DLG2: variants seen among roughly 807,000 people sequenced by gnomAD.
The protein encoded by DLG2 is discs large MAGUK scaffold protein 2.
DLG2 carries 45 observed loss-of-function variants against 132.5 expected under a neutral mutation model. That is an observed-to-expected ratio of 0.34 (90% CI 0.27 to 0.44). The LOEUF is 0.44. Among genes scored for constraint, DLG2 ranks in the 20% least tolerant of loss-of-function variants. DLG2 has a pLI of 1.00. For synonymous variants in DLG2, 424 were observed against 419.6 expected (o/e 1.01, Z -0.13); for missense variants, 1,045 against 1,196.9 (o/e 0.87, Z 1.87).
At chr11:84,621,554 T>A (rs1427631429) in intron 6 of DLG2, among the ~76,000 whole-genome samples, 2 of 152,112 alleles carry the variant, frequency 1.3e-5, no homozygotes, top group Non-Finnish European at 2.9e-5. Context: ...TTATAGGAAG[T>A]CAGAATTAAT....
chr11:83,698,610 G>T lies in DLG2; in HGVS notation c.1826-65285C>A, dbSNP rs56247651. Among the ~76,000 whole-genome samples the T allele has an allele frequency of 6.3e-3, 963 of 152,274 alleles. 8 individuals carry two copies. Among genetic ancestry groups the T allele is most frequent in the African/African-American group, 0.022 (912 of 41,566 alleles). ...AGCTCTGGCAAAACAAAAACTTTCT[G>T]ATCCTCAGTATACACATCTGTAAAA... On this transcript the variant is annotated intron_variant, in intron 18 of 27. Transcript: ENST00000376104.
At chr11:85,420,343 G>C (rs1215655721) in intron 3 of DLG2, among the ~76,000 whole-genome samples, 4 of 152,084 alleles carry the variant, frequency 2.6e-5, no homozygotes, top group African/African-American at 9.7e-5. Flanking sequence ...ATGCCAGCCA[G>C]AGTTCTCCTG....
Position 83,455,722 on chromosome 11 carries a change from G to T in DLG2, c.*4096C>A, listed in dbSNP as rs2088857349. 1 of 152,456 alleles carries T rather than the reference G, an allele frequency of 6.6e-6. No individual in the cohort carries two copies. The highest frequency in any genetic ancestry group is 2.1e-4 in the South Asian group (1 of 4,814). 9.4% of individuals were successfully genotyped at this position (152,456 alleles called of 1,614,324 possible). On this transcript the variant is annotated 3_prime_UTR_variant, in exon 28 of 28. Coordinates refer to ENST00000376104, the MANE Select transcript of DLG2 (RefSeq NM_001142699.3). The stretch of plus-strand genomic sequence containing the variant: ...CATACTCAATGTAACGTGTGTACAT[G>T]GTATACATACCATATATACCATACA...
At chr11:85,387,377 A>C (rs1347979926) in intron 3 of DLG2, among the ~76,000 whole-genome samples, 1 of 152,224 alleles carries the variant, frequency 6.6e-6, no homozygotes, top group Non-Finnish European at 1.5e-5. Context: ...GCAGGTAATA[A>C]TTTTAGACTA....
intron 3 of DLG2, among the ~76,000 whole-genome samples, chr11:85,542,133 G>C (rs1359350207): frequency 3.3e-5 from 5 of 152,044 alleles, no homozygotes; most frequent in African/African-American, 1.2e-4. Flanking sequence ...CAAAGCAGTA[G>C]CACTTTTTGT....
chr11:84,341,829 G>A (rs1308552970), intron 7 of DLG2, among the ~76,000 whole-genome samples: 1 of 152,220 alleles, frequency 6.6e-6, no homozygotes, highest in African/African-American at 2.4e-5. Context: ...ATAATGTCTA[G>A]TGACTGCCTT....
chr11:84,355,796 T>G (rs1401884176), intron 7 of DLG2, among the ~76,000 whole-genome samples: 1 of 152,036 alleles, frequency 6.6e-6, no homozygotes, highest in Non-Finnish European at 1.5e-5. Flanking sequence ...TGCCAAAAGA[T>G]AGATTAGAAG....
intron 4 of DLG2, among the ~76,000 whole-genome samples, chr11:85,277,223 A>G (rs760043401): frequency 2.8e-4 from 43 of 152,306 alleles, no homozygotes; most frequent in Non-Finnish European, 5.7e-4. Context: ...TAGAGCTACA[A>G]GAGGAAAATC....
chr11:84,893,452 C>T (rs2154065470), intron 6 of DLG2, among the ~76,000 whole-genome samples: 1 of 152,264 alleles, frequency 6.6e-6, no homozygotes, highest in South Asian at 2.1e-4. Context: ...AGTCATGAGA[C>T]AGTGCAGAAG....
chr11:85,113,760 A>G (rs141804100), intron 5 of DLG2, among the ~76,000 whole-genome samples: 119 of 152,132 alleles, frequency 7.8e-4, no homozygotes, highest in African/African-American at 2.7e-3. Context: ...CCATCATTCA[A>G]TGTGGAGAGA....
chr11:83,768,224 C>T (rs535371720), intron 18 of DLG2, among the ~76,000 whole-genome samples: 1 of 152,244 alleles, frequency 6.6e-6, no homozygotes, highest in East Asian at 1.9e-4. Flanking sequence ...CTTTTATATA[C>T]ATTTGACTTA....
intron 7 of DLG2, among the ~76,000 whole-genome samples, chr11:84,502,218 CCTTCCT>C (rs2099212510): frequency 0.029 from 338 of 11,654 alleles, 76 homozygotes; most frequent in Middle Eastern, 0.059. Flanking sequence ...TTCCTTCCTT[CCTTCCT>C]TCCTTCCTTC....
chr11:84,161,720 C>T lies in DLG2; in HGVS notation c.624+1741G>A, dbSNP rs543093141. Among the ~76,000 whole-genome samples, 34 of 152,266 alleles carry T rather than the reference C, an allele frequency of 2.2e-4. 1 individual carries two copies. In the South Asian group the frequency reaches 5.4e-3, roughly 24 times the overall value. ...GGAAAAAGGAGAAGGCTCAGCTTCACGGGCATGAGACCTGTTCAGTTGCAT... is the reference window on the plus strand; with the variant it reads ...GGAAAAAGGAGAAGGCTCAGCTTCATGGGCATGAGACCTGTTCAGTTGCAT... On this transcript the variant is annotated intron_variant, in intron 9 of 27. Coordinates refer to ENST00000376104, the MANE Select transcript of DLG2 (RefSeq NM_001142699.3).
intron 7 of DLG2, among the ~76,000 whole-genome samples, chr11:84,291,814 G>GT (rs2098003471): frequency 6.6e-6 from 1 of 152,156 alleles, no homozygotes; most frequent in Non-Finnish European, 1.5e-5. Context: ...TGTTGTGTAG[G>GT]TTAGATAAGT....
chr11:84,305,633 C>G (rs2154384262), intron 7 of DLG2, among the ~76,000 whole-genome samples: 1 of 152,076 alleles, frequency 6.6e-6, no homozygotes, highest in African/African-American at 2.4e-5. Flanking sequence ...ACCTACCTAC[C>G]TACCTATTCC....
At chr11:83,897,195 ACATC>A (rs1438385095) in intron 15 of DLG2, among the ~76,000 whole-genome samples, 1 of 152,204 alleles carries the variant, frequency 6.6e-6, no homozygotes, top group Non-Finnish European at 1.5e-5. Flanking sequence ...TGTGGTGGAT[ACATC>A]CAACAGTGTG....
chr11:83,668,302 CT>C (rs1592106480), intron 18 of DLG2, among the ~76,000 whole-genome samples: 1 of 152,066 alleles, frequency 6.6e-6, no homozygotes, highest in Non-Finnish European at 1.5e-5. Context: ...TCAATTCTTC[CT>C]CTCCAGGCTC....
chr11:83,910,871 C>G (rs1590821598), intron 15 of DLG2, among the ~76,000 whole-genome samples: 1 of 152,126 alleles, frequency 6.6e-6, no homozygotes, highest in East Asian at 1.9e-4. Flanking sequence ...GTGTATGGCA[C>G]TATTCTACTT....
chr11:83,470,271 T>C (rs912093910), intron 24 of DLG2, among the ~76,000 whole-genome samples: 2 of 152,212 alleles, frequency 1.3e-5, no homozygotes, highest in Non-Finnish European at 1.5e-5. Flanking sequence ...AATAGTTATA[T>C]AAAATTTTAA....
Sources: allele counts gnomAD v4.1 joint callset (sites outside exome capture counted in the v4.1 genomes callset), GRCh38; gene constraint gnomAD v4.1.1; transcripts MANE v1.5; gene names NCBI Gene and HGNC (gene_info 2026-07-23, HGNC 2026-07-21).